LRP1B: variants seen among roughly 807,000 people sequenced by gnomAD.
The protein encoded by LRP1B is LDL receptor related protein 1B.
LRP1B carries 217 observed loss-of-function variants against 556.6 expected under a neutral mutation model. That is an observed-to-expected ratio of 0.39 (90% CI 0.35 to 0.44). The LOEUF (loss-of-function observed/expected upper bound fraction) is 0.44, where lower values mean the gene tolerates loss of function less well. Ranked by LOEUF, LRP1B falls within the 20% of genes least tolerant of loss-of-function variation. The pLI, the probability that LRP1B is intolerant of heterozygous loss-of-function variation, is 1.00. For synonymous variants in LRP1B, 2,047 were observed against 1,865.8 expected, an observed-to-expected ratio of 1.10 and a Z score of -2.50; for missense variants, 5,053 against 5,620.8, an observed-to-expected ratio of 0.90 and a Z score of 3.23.
At chr2:140,812,494 AT>A (rs1299084737) in intron 32 of LRP1B, among the ~76,000 whole-genome samples, 1 of 152,006 alleles carries the variant, frequency 6.6e-6, no homozygotes, top group Non-Finnish European at 1.5e-5. Flanking sequence ...GATGATAAAA[AT>A]ATTTTTTATC....
In LRP1B at chr2:140,932,201, C is replaced by T. The variant is rs140512417; in HGVS notation, c.3137-9054G>A. On this transcript the variant is annotated intron_variant, in intron 20 of 90. Transcript: ENST00000389484. ...TTTATTCTTACTTCATCCCTTTCTT[C>T]TCCCTTTTGCCTTTGTCCAATGAAT... Among the ~76,000 whole-genome samples the T allele has an allele frequency of 6.6e-3, 1,005 of 152,196 alleles. 15 individuals carry two copies. Among genetic ancestry groups the T allele is most frequent in the African/African-American group, 0.023 (955 of 41,552 alleles).
intron 6 of LRP1B, among the ~76,000 whole-genome samples, chr2:141,219,300 T>TC (rs772927675): frequency 3.3e-5 from 5 of 152,036 alleles, no homozygotes; most frequent in South Asian, 2.1e-4. Flanking sequence ...TGAGAGGAAT[T>TC]CCCCCACAGC....
At chr2:142,051,479 GTTTT>G (rs540052313) in intron 1 of LRP1B, among the ~76,000 whole-genome samples, 1 of 35,798 alleles carries the variant, frequency 2.8e-5, no homozygotes, top group African/African-American at 6.5e-5. Context: ...TTGTTTTTTT[GTTTT>G]TTTTTTGTTT....
chr2:141,840,741 A>C (rs983718943), intron 1 of LRP1B, among the ~76,000 whole-genome samples: 3 of 152,090 alleles, frequency 2.0e-5, no homozygotes, highest in Admixed American at 2.0e-4. Context: ...TGCCAGACAA[A>C]ATACAGGAGA....
chr2:140,235,323 C>A (rs554898729), intron 89 of LRP1B, among the ~76,000 whole-genome samples: 1 of 150,884 alleles, frequency 6.6e-6, no homozygotes, highest in South Asian at 2.1e-4. Flanking sequence ...AAATTTTACC[C>A]TCTTTGAGAA....
intron 2 of LRP1B, among the ~76,000 whole-genome samples, chr2:141,678,990 G>A (rs1293377451): frequency 6.6e-6 from 1 of 152,042 alleles, no homozygotes; most frequent in Non-Finnish European, 1.5e-5. Context: ...GTTACCAAAA[G>A]GCTGTGACTA....
intron 31 of LRP1B, among the ~76,000 whole-genome samples, chr2:140,825,433 T>G (rs1223193173): frequency 6.6e-6 from 1 of 152,114 alleles, no homozygotes; most frequent in Non-Finnish European, 1.5e-5. Flanking sequence ...AGTCCTTTTT[T>G]TTTTTAGTTT....
At chr2:140,401,752 C>A (rs561206495) in intron 66 of LRP1B, among the ~76,000 whole-genome samples, 18 of 152,238 alleles carry the variant, frequency 1.2e-4, no homozygotes, top group Non-Finnish European at 2.1e-4. Flanking sequence ...TGGAAGCCAA[C>A]TGACATAGTC....
chr2:140,309,954 G>GAC (rs1399171644), intron 83 of LRP1B, among the ~76,000 whole-genome samples: 2 of 151,666 alleles, frequency 1.3e-5, no homozygotes, highest in East Asian at 3.9e-4. Context: ...TAATCCTTGG[G>GAC]ACATATTTCA....
At chr2:140,650,156 G>A (rs748948376) in intron 41 of LRP1B, among the ~76,000 whole-genome samples, 1 of 151,378 alleles carries the variant, frequency 6.6e-6, no homozygotes, top group Non-Finnish European at 1.5e-5. Context: ...GCAAACAAAG[G>A]TTTTTTAAAA....
Position 140,942,575 on chromosome 2 carries a change from G to A in LRP1B, c.3136+7660C>T, listed in dbSNP as rs944229789. On this transcript the variant is annotated intron_variant, in intron 20 of 90. Coordinates refer to ENST00000389484, the MANE Select transcript of LRP1B (RefSeq NM_018557.3). ...ATCACCTTCAAAGTGAATCCTATCA[G>A]ACAAATGTCAGACTCCTCTGCAGAA... Among the ~76,000 whole-genome samples the A allele has an allele frequency of 1.3e-5, 2 of 152,210 alleles. 1 individual carries two copies. Among genetic ancestry groups the A allele is most frequent in the Middle Eastern group, 6.8e-3 (2 of 294 alleles).
intron 7 of LRP1B, among the ~76,000 whole-genome samples, chr2:141,130,007 T>C (rs1452714935): frequency 2.6e-5 from 4 of 151,822 alleles, no homozygotes; most frequent in African/African-American, 4.8e-5. Context: ...ACAAAGCAAA[T>C]GGATACAGAA....
rs1016092778 is a variant in LRP1B at position 140,874,667 on chromosome 2, G to A, written c.4170-6404C>T. Among the ~76,000 whole-genome samples the A allele has an allele frequency of 2.0e-5, 3 of 151,212 alleles. No homozygotes were observed. The South Asian group carries it at 6.3e-4, about 32-fold the overall frequency. ...GGTTACTACATCCGTTTATCTTTCT[G>A]TACGTGCTTTTAAAGTACTTGTGAT... On this transcript the variant is annotated intron_variant, in intron 25 of 90. Coordinates refer to ENST00000389484, the MANE Select transcript of LRP1B (RefSeq NM_018557.3).
At chr2:140,387,577 ATTT>A (rs34523312) in intron 66 of LRP1B, among the ~76,000 whole-genome samples, 1 of 148,780 alleles carries the variant, frequency 6.7e-6, no homozygotes, top group Non-Finnish European at 1.5e-5. Flanking sequence ...GCATTTTTCT[ATTT>A]TTTTTTTTAA....
At chr2:140,670,431 C>G (rs780822773) in intron 41 of LRP1B, among the ~76,000 whole-genome samples, 1 of 152,064 alleles carries the variant, frequency 6.6e-6, no homozygotes, top group Non-Finnish European at 1.5e-5. Flanking sequence ...ACTTCCCAAA[C>G]CTAATAAATT....
chr2:140,335,929 G>GT, intron 77 of LRP1B, 91 bp from the exon 78 acceptor site: 1 of 786,698 alleles, frequency 1.3e-6, no homozygotes, highest in Non-Finnish European at 2.2e-6. Context: ...TGGGGGAATT[G>GT]TAAGAACATA....
At chr2:141,233,250 G>T (rs1027470282) in intron 5 of LRP1B, among the ~76,000 whole-genome samples, 2 of 152,140 alleles carry the variant, frequency 1.3e-5, no homozygotes, top group African/African-American at 4.8e-5. Context: ...AAGCACACAG[G>T]TGACATTTTA....
At chr2:140,896,066 T>C (rs1287166988) in intron 23 of LRP1B, among the ~76,000 whole-genome samples, 1 of 152,100 alleles carries the variant, frequency 6.6e-6, no homozygotes, top group Non-Finnish European at 1.5e-5. Context: ...GGGGAACCTA[T>C]CTGTTCTACC....
chr2:141,504,184 G>A (rs140033858), intron 2 of LRP1B, among the ~76,000 whole-genome samples: 21 of 152,242 alleles, frequency 1.4e-4, no homozygotes, highest in African/African-American at 4.8e-4. Context: ...AATTAAGCCT[G>A]CTTTCGAAGA....
Sources: allele counts gnomAD v4.1 joint callset (sites outside exome capture counted in the v4.1 genomes callset), GRCh38; gene constraint gnomAD v4.1.1; transcripts MANE v1.5; gene names NCBI Gene and HGNC (gene_info 2026-07-23, HGNC 2026-07-21).